Variants in KIF2A observed in about 807,000 individuals in gnomAD.
The protein encoded by KIF2A is kinesin-like protein KIF2A.
In KIF2A, 22 loss-of-function variants were observed where a neutral mutation model predicts 100.2. That is an observed-to-expected ratio of 0.22 (90% CI 0.16 to 0.31). KIF2A has a LOEUF of 0.31. Ranked by LOEUF, KIF2A falls within the 10% of genes least tolerant of loss-of-function variation. The probability of loss-of-function intolerance (pLI) is 1.00; values close to 1 mark genes in which losing one functional copy is unlikely to be tolerated. For synonymous variants in KIF2A, 268 were observed against 285.9 expected (o/e 0.94, Z 0.63); for missense variants, 495 against 898.7 (o/e 0.55, Z 5.74).
At position 62,389,535 on chromosome 5, in the gene KIF2A, T is replaced by C. The variant is rs1036245631; in HGVS notation, c.*3966T>C. On this transcript the variant is annotated 3_prime_UTR_variant, in exon 21 of 21. Transcript: ENST00000407818. Reference sequence around the variant, plus strand: ...ATTGTCTGACTAAATTTATAAGATATGTATTGGTTAAAACCATGCCATGTT... The same window carrying C: ...ATTGTCTGACTAAATTTATAAGATACGTATTGGTTAAAACCATGCCATGTT... Among the ~76,000 whole-genome samples the C allele has an allele frequency of 1.3e-5, 2 of 149,906 alleles. No homozygotes were observed. Among genetic ancestry groups the C allele is most frequent in the African/African-American group, 4.9e-5 (2 of 40,552 alleles).
intron 1 of KIF2A, among the ~76,000 whole-genome samples, chr5:62,325,858 T>TATA (rs756461351): frequency 2.0e-5 from 3 of 152,202 alleles, no homozygotes; most frequent in Non-Finnish European, 2.9e-5. Flanking sequence ...CAGTACAGTT[T>TATA]ATAATAGCAA....
chr5:62,323,994 A>G (rs1199076789), intron 1 of KIF2A, among the ~76,000 whole-genome samples: 2 of 152,080 alleles, frequency 1.3e-5, no homozygotes, highest in Admixed American at 6.6e-5. Context: ...TGTTCATGCA[A>G]CTGCGCTCCA....
chr5:62,327,448 G>A (rs1746434127), intron 1 of KIF2A, among the ~76,000 whole-genome samples: 1 of 152,118 alleles, frequency 6.6e-6, no homozygotes, highest in Non-Finnish European at 1.5e-5. Flanking sequence ...TCACCTTGGG[G>A]ATATCACCTC....
At chr5:62,309,631 G>C (rs1745466611) in intron 1 of KIF2A, among the ~76,000 whole-genome samples, 1 of 152,162 alleles carries the variant, frequency 6.6e-6, no homozygotes. Context: ...ATCTGAGACA[G>C]TAGAAATGAC....
chr5:62,340,595 A>G (rs1000446035), intron 1 of KIF2A, among the ~76,000 whole-genome samples: 1 of 151,272 alleles, frequency 6.6e-6, no homozygotes, highest in Non-Finnish European at 1.5e-5. Context: ...TTCTCCCCCT[A>G]GTGGCATCAT....
intron 1 of KIF2A, among the ~76,000 whole-genome samples, chr5:62,331,120 TA>T (rs1746617449): frequency 6.6e-6 from 1 of 152,242 alleles, no homozygotes; most frequent in African/African-American, 2.4e-5. Context: ...GAAATTTTTA[TA>T]AAGGTCTAGG....
rs765109308 is a variant in KIF2A at position 62,361,468 on chromosome 5, T to C, written c.966T>C (p.Thr322=). Residue 322 remains threonine (T), a splice_region_variant and synonymous_variant, in exon 11 of 21, where the codon ACT becomes ACC. Coordinates refer to ENST00000407818, the MANE Select transcript of KIF2A (RefSeq NM_001098511.3). ...YGQTGSGKTH[T]MGGDFSGKNQ... Reference sequence around the variant, plus strand: ...TTTATTTTCTTTTTAAAATATAGACTATGGGTGGTGACTTTTCAGGAAAGA... The same window carrying C: ...TTTATTTTCTTTTTAAAATATAGACCATGGGTGGTGACTTTTCAGGAAAGA... 8 of 1,566,446 alleles carry C rather than the reference T, an allele frequency of 5.1e-6. No homozygotes were observed. Among genetic ancestry groups the C allele is most frequent in the Admixed American group, 1.7e-5 (1 of 59,708 alleles).
chr5:62,381,923 T>C (rs556496119), intron 20 of KIF2A, among the ~76,000 whole-genome samples: 1 of 152,240 alleles, frequency 6.6e-6, no homozygotes, highest in East Asian at 1.9e-4. Flanking sequence ...ACCTTACTCA[T>C]GAAGGGAAGC....
chr5:62,379,932 C>T (rs1741704384), intron 19 of KIF2A, among the ~76,000 whole-genome samples: 1 of 152,210 alleles, frequency 6.6e-6, no homozygotes, highest in Non-Finnish European at 1.5e-5. Flanking sequence ...CGCTCTGTCG[C>T]CCAGGCTGGA....
At chr5:62,333,050 G>A (rs1746738811) in intron 1 of KIF2A, among the ~76,000 whole-genome samples, 1 of 152,132 alleles carries the variant, frequency 6.6e-6, no homozygotes, top group Non-Finnish European at 1.5e-5. Context: ...TTGATACTTC[G>A]CATGATTTTT....
chr5:62,334,589 T>A (rs932961447), intron 1 of KIF2A, among the ~76,000 whole-genome samples: 1 of 148,692 alleles, frequency 6.7e-6, no homozygotes, highest in Non-Finnish European at 1.5e-5. Flanking sequence ...CATCTGCCCC[T>A]ACCTTACTCA....
Position 62,385,620 on chromosome 5 carries a change from C to A in KIF2A, c.*51C>A. 2.3e-6 allele frequency: 3 copies of A among 1,305,188 alleles called. No homozygotes were observed. The highest frequency in any genetic ancestry group is 3.3e-6 in the Non-Finnish European group (3 of 922,544). The allele number at this position is 1,305,188 out of a possible 1,614,324, so 80.9% of individuals were successfully genotyped here. A position where few individuals can be genotyped will look rare whatever the true frequency, so the allele number is the denominator to read the frequency against. On this transcript the variant is annotated 3_prime_UTR_variant, in exon 21 of 21. Coordinates refer to ENST00000407818, the MANE Select transcript of KIF2A (RefSeq NM_001098511.3). ...CCAGAACCCTCACTACTGTAACATACAACGGTTCAGCTGTAAGGGCCATTT... is the reference window on the plus strand; with the variant it reads ...CCAGAACCCTCACTACTGTAACATAAAACGGTTCAGCTGTAAGGGCCATTT...
At chr5:62,325,739 T>G (rs1036911405) in intron 1 of KIF2A, among the ~76,000 whole-genome samples, 4 of 152,168 alleles carry the variant, frequency 2.6e-5, no homozygotes, top group African/African-American at 9.7e-5. Context: ...GTGTGGAGAT[T>G]TCTCAAATAA....
At chr5:62,323,319 G>T (rs1746199282) in intron 1 of KIF2A, among the ~76,000 whole-genome samples, 1 of 150,900 alleles carries the variant, frequency 6.6e-6, no homozygotes, top group Non-Finnish European at 1.5e-5. Context: ...TTAAAAAGGA[G>T]AATGTTAATC....
intron 1 of KIF2A, chr5:62,311,692 G>C (rs1360801157): frequency 6.6e-6 from 1 of 152,202 alleles, no homozygotes; most frequent in African/African-American, 2.4e-5. Context: ...CAATACAGTT[G>C]TTCTTTAGGT....
At chr5:62,344,049 A>T (rs10461472) in intron 1 of KIF2A, among the ~76,000 whole-genome samples, 74,210 of 152,036 alleles carry the variant, frequency 0.49, 19,084 homozygotes, top group African/African-American at 0.64. Context: ...TTTCTCATCT[A>T]TAAATGCAGT....
At chr5:62,383,083 T>C (rs1311581780) in intron 20 of KIF2A, among the ~76,000 whole-genome samples, 1 of 149,724 alleles carries the variant, frequency 6.7e-6, no homozygotes, top group Non-Finnish European at 1.5e-5. Context: ...TGTGCCACTG[T>C]ACCCGGCTAC....
intron 1 of KIF2A, among the ~76,000 whole-genome samples, chr5:62,344,006 C>T (rs1482058050): frequency 6.6e-6 from 1 of 152,194 alleles, no homozygotes; most frequent in Admixed American, 6.5e-5. Flanking sequence ...TAGACCCATG[C>T]TGCTTATTCA....
intron 17 of KIF2A, among the ~76,000 whole-genome samples, chr5:62,372,958 C>T (rs1487414348): frequency 2.0e-5 from 3 of 151,628 alleles, no homozygotes; most frequent in Non-Finnish European, 2.9e-5. Context: ...CTCTTTTGGC[C>T]GGGCGTGGTG....
Sources: gnomAD v4.1 joint callset for allele counts (sites outside exome capture counted in the v4.1 genomes callset) on GRCh38, gnomAD v4.1.1 for gene constraint, MANE v1.5 for transcripts, NCBI Gene and HGNC (gene_info 2026-07-23, HGNC 2026-07-21) for gene names.